The following RANBP2 variants were observed in gnomAD, a reference collection of about 807,000 sequenced individuals.
The protein encoded by RANBP2 is E3 SUMO-protein ligase RanBP2.
Under a neutral mutation model 303.6 loss-of-function variants are expected in RANBP2, and 57 were observed. The observed-to-expected ratio is 0.19, with a 90% CI of 0.15 to 0.23. RANBP2 has a LOEUF of 0.23. Ranked by LOEUF, RANBP2 falls within the 10% of genes least tolerant of loss-of-function variation. The probability of loss-of-function intolerance (pLI) is 1.00; values close to 1 mark genes in which losing one functional copy is unlikely to be tolerated. For synonymous variants in RANBP2, 1,167 were observed against 1,301.5 expected (o/e 0.90, Z 2.23); for missense variants, 3,138 against 3,780.8 (o/e 0.83, Z 4.46).
the RANBP2 span, among the ~76,000 whole-genome samples, chr2:109,681,374 C>T: frequency 8.5e-5 from 13 of 152,210 alleles, no homozygotes; most frequent in Middle Eastern, 3.4e-3. Flanking sequence ...TATTTGTACA[C>T]GTATTCAAGC....
At chr2:109,536,707 T>C in the RANBP2 span, among the ~76,000 whole-genome samples, 5 of 152,162 alleles carry the variant, frequency 3.3e-5, no homozygotes, top group Admixed American at 6.5e-5. Context: ...GATGGAATGA[T>C]ATGGTTTGGC....
At chr2:108,937,890 C>T in the RANBP2 span, among the ~76,000 whole-genome samples, 1 of 152,166 alleles carries the variant, frequency 6.6e-6, no homozygotes, top group Non-Finnish European at 1.5e-5. Context: ...TCCCAAAAGA[C>T]GTGGACAGAG....
At chr2:109,042,449 CAG>C in the RANBP2 span, among the ~76,000 whole-genome samples, 1 of 152,152 alleles carries the variant, frequency 6.6e-6, no homozygotes, top group Non-Finnish European at 1.5e-5. Flanking sequence ...ATCCCAAACT[CAG>C]GGGGTTTGCC....
chr2:109,736,693 G>A, the RANBP2 span, among the ~76,000 whole-genome samples: 6 of 152,030 alleles, frequency 3.9e-5, no homozygotes, highest in South Asian at 2.1e-4. Flanking sequence ...CCAGAAACCC[G>A]CGTTTTATTG....
the RANBP2 span, among the ~76,000 whole-genome samples, chr2:109,290,781 A>C: frequency 2.2e-4 from 33 of 152,232 alleles, no homozygotes; most frequent in African/African-American, 6.5e-4. Flanking sequence ...TGGGCTTCAG[A>C]GCCTTTACAA....
the RANBP2 span, among the ~76,000 whole-genome samples, chr2:108,818,447 A>G: frequency 6.6e-6 from 1 of 152,214 alleles, no homozygotes; most frequent in Non-Finnish European, 1.5e-5. Context: ...TGACATGTTC[A>G]GGATTTACAG....
chr2:109,742,923 C>G, the RANBP2 span, among the ~76,000 whole-genome samples: 1 of 148,312 alleles, frequency 6.7e-6, no homozygotes, highest in Admixed American at 6.8e-5. Context: ...TGCAAAGGAG[C>G]AAAGACAATT....
chr2:108,782,415 T>C lies in RANBP2; in HGVS notation c.9034+14T>C, dbSNP rs377476924. 1.9e-6 allele frequency: 3 copies of C among 1,613,792 alleles called. No individual in the cohort carries two copies. Among genetic ancestry groups the C allele is most frequent in the Non-Finnish European group, 2.5e-6 (3 of 1,180,024 alleles). ...CAGATTATGCTGGTGAGTTTTTACA[T>C]TCAAATGCTACTTTTCATTTTTTGG... On this transcript the variant is annotated intron_variant, in intron 27 of 28. Coordinates refer to ENST00000283195, the MANE Select transcript of RANBP2 (RefSeq NM_006267.5).
the RANBP2 span, among the ~76,000 whole-genome samples, chr2:109,024,417 T>C: frequency 2.0e-5 from 3 of 152,232 alleles, no homozygotes; most frequent in Non-Finnish European, 2.9e-5. Context: ...ACGGCTACTG[T>C]CGAAAATCTC....
the RANBP2 span, among the ~76,000 whole-genome samples, chr2:109,696,755 G>A: frequency 2.6e-5 from 4 of 152,130 alleles, no homozygotes; most frequent in Non-Finnish European, 4.4e-5. Context: ...TGTAATTCAT[G>A]AACATGGTAC....
the RANBP2 span, among the ~76,000 whole-genome samples, chr2:109,176,810 AAC>A: frequency 6.6e-6 from 1 of 152,200 alleles, no homozygotes; most frequent in Non-Finnish European, 1.5e-5. Context: ...CTCAGCCGTG[AAC>A]TTTATCTTAT....
At chr2:109,187,722 T>C in the RANBP2 span, among the ~76,000 whole-genome samples, 1 of 152,176 alleles carries the variant, frequency 6.6e-6, no homozygotes, top group Non-Finnish European at 1.5e-5. Flanking sequence ...ATATTCTCCT[T>C]GTTAAGTGGT....
At chr2:109,115,804 G>C in the RANBP2 span, among the ~76,000 whole-genome samples, 1 of 152,152 alleles carries the variant, frequency 6.6e-6, no homozygotes, top group Admixed American at 6.5e-5. Context: ...CTTCCTTCAG[G>C]AGCTCTTTTA....
chr2:109,321,360 A>G, the RANBP2 span, among the ~76,000 whole-genome samples: 3 of 152,380 alleles, frequency 2.0e-5, no homozygotes, highest in East Asian at 5.8e-4. Flanking sequence ...GAACGTCATC[A>G]TTCATTGCCA....
the RANBP2 span, among the ~76,000 whole-genome samples, chr2:109,077,005 A>C: frequency 1.1e-4 from 17 of 150,740 alleles, 3 homozygotes; most frequent in Non-Finnish European, 1.6e-4. Flanking sequence ...CTGCAAAGCC[A>C]TACTAATCAA....
the RANBP2 span, among the ~76,000 whole-genome samples, chr2:109,521,544 G>A: frequency 6.6e-6 from 1 of 152,350 alleles, no homozygotes; most frequent in South Asian, 2.1e-4. Flanking sequence ...TGATCACACG[G>A]AGCTGGCACT....
At chr2:109,680,606 C>A in the RANBP2 span, among the ~76,000 whole-genome samples, 1 of 152,158 alleles carries the variant, frequency 6.6e-6, no homozygotes, top group East Asian at 1.9e-4. Flanking sequence ...AGTTAACAAC[C>A]ACTTATTATT....
At chr2:108,966,258 C>T in the RANBP2 span, among the ~76,000 whole-genome samples, 1 of 152,204 alleles carries the variant, frequency 6.6e-6, no homozygotes, top group Non-Finnish European at 1.5e-5. Context: ...CAAGTTCCGT[C>T]TTTGTCATTT....
At chr2:109,088,256 G>C in the RANBP2 span, among the ~76,000 whole-genome samples, 1 of 152,006 alleles carries the variant, frequency 6.6e-6, no homozygotes, top group East Asian at 2.0e-4. Flanking sequence ...AATTAGCCAG[G>C]CATGGTGGCG....
Sources: gnomAD v4.1 joint callset for allele counts (sites outside exome capture counted in the v4.1 genomes callset) on GRCh38, gnomAD v4.1.1 for gene constraint, MANE v1.5 for transcripts, NCBI Gene and HGNC (gene_info 2026-07-23, HGNC 2026-07-21) for gene names.